Variants in SUV39H2 observed in about 807,000 individuals in gnomAD.
SUV39H2 encodes SUV39H2 histone lysine methyltransferase.
SUV39H2 carries 10 observed loss-of-function variants against 47.5 expected under a neutral mutation model. The ratio of observed to expected loss-of-function variants is 0.21; its 90% confidence interval spans 0.13 to 0.36. The LOEUF is 0.36. SUV39H2 is among the 10% of genes least tolerant of loss of function. The pLI is 1.00. For synonymous variants in SUV39H2, 159 were observed against 166.8 expected (o/e 0.95, Z 0.36); for missense variants, 266 against 487.4 (o/e 0.55, Z 4.28).
In SUV39H2 at chr10:14,902,440, C is replaced by T; in HGVS notation, c.1161C>T (p.His387=). The T allele has an allele frequency of 6.2e-7, 1 of 1,610,964 alleles. No individual in the cohort carries two copies. The highest frequency in any genetic ancestry group is 8.5e-7 in the Non-Finnish European group (1 of 1,179,108). ...ATATATCTTCAGATTCTATTGACCACAGCCCAGCCAAAAAGAGGGTCAGAA... is the reference window on the plus strand; with the variant it reads ...ATATATCTTCAGATTCTATTGACCATAGCCCAGCCAAAAAGAGGGTCAGAA... ...SGDISSDSID[H]SPAKKRVRTV... The change falls in exon 6 of 6, where the codon CAC becomes CAT. Residue 387 remains histidine, a synonymous_variant. Transcript: ENST00000354919.
At chr10:14,901,072 G>A in intron 4 of SUV39H2, 61 bp from the exon 5 acceptor site, 1 of 1,568,272 alleles carries the variant, frequency 6.4e-7, no homozygotes, top group East Asian at 2.3e-5. Flanking sequence ...ATTTTATATG[G>A]CATGTAGAAG....
At chr10:14,887,245 T>TA (rs1414326652) in intron 2 of SUV39H2, among the ~76,000 whole-genome samples, 7 of 151,620 alleles carry the variant, frequency 4.6e-5, no homozygotes, top group South Asian at 2.1e-4. Flanking sequence ...TTTTGTTTTT[T>TA]AAAAAAAAAT....
chr10:14,900,877 C>G (rs1282311221), intron 4 of SUV39H2, among the ~76,000 whole-genome samples: 1 of 152,098 alleles, frequency 6.6e-6, no homozygotes, highest in African/African-American at 2.4e-5. Context: ...GATTGGCAAG[C>G]ATGTTACTAA....
At chr10:14,890,071 T>C (rs1833340128) in intron 2 of SUV39H2, among the ~76,000 whole-genome samples, 1 of 152,214 alleles carries the variant, frequency 6.6e-6, no homozygotes, top group African/African-American at 2.4e-5. Flanking sequence ...ACCACCTCTA[T>C]ATGGCGTGGC....
chr10:14,896,233 G>A (rs567250460), intron 2 of SUV39H2, among the ~76,000 whole-genome samples: 2 of 152,218 alleles, frequency 1.3e-5, no homozygotes, highest in East Asian at 1.9e-4. Context: ...ATGAGCCACC[G>A]TGCCCAGCCT....
chr10:14,892,478 G>A (rs1833418760), intron 2 of SUV39H2, among the ~76,000 whole-genome samples: 1 of 152,116 alleles, frequency 6.6e-6, no homozygotes, highest in Admixed American at 6.5e-5. Flanking sequence ...GATACTTCAT[G>A]CAAATCTTAG....
intron 2 of SUV39H2, 23 bp from the exon 3 acceptor site, chr10:14,896,823 T>C: frequency 6.6e-7 from 1 of 1,521,694 alleles, no homozygotes; most frequent in Non-Finnish European, 8.8e-7. Flanking sequence ...TGATTTGCAT[T>C]TTATTTTCTT....
intron 2 of SUV39H2, among the ~76,000 whole-genome samples, chr10:14,885,890 T>C (rs2131676257): frequency 6.6e-6 from 1 of 152,324 alleles, no homozygotes; most frequent in Middle Eastern, 3.4e-3. Flanking sequence ...ATTATAGTTG[T>C]TTCTTAAACC....
chr10:14,900,670 C>T (rs1411022704), intron 4 of SUV39H2, among the ~76,000 whole-genome samples: 1 of 152,114 alleles, frequency 6.6e-6, no homozygotes, highest in East Asian at 1.9e-4. Flanking sequence ...AGAGTTTGGA[C>T]CAAAAATTCA....
At chr10:14,879,110 C>T in intron 1 of SUV39H2, 191 bp downstream of exon 1, 1 of 1,266,390 alleles carries the variant, frequency 7.9e-7, no homozygotes, top group Non-Finnish European at 9.9e-7. Flanking sequence ...CCCTGCCCGG[C>T]CGGCTCCCGC....
Position 14,897,085 on chromosome 10 carries a change from A to T in SUV39H2, c.417A>T (p.Arg139Ser). 6.2e-7 allele frequency: 1 copy of T among 1,614,018 alleles called. No homozygotes were observed. Among genetic ancestry groups the T allele is most frequent in the South Asian group, 1.1e-5 (1 of 91,086 alleles). Residue 139 changes from arginine to serine, a missense_variant, in exon 3 of 6, where the codon AGA becomes AGT. This residue lies in a region of SUV39H2 where 91 missense variants were observed against 110.9 expected (regional missense o/e 0.82). Transcript: ENST00000354919. Reference protein sequence around the residue: ...KKAKQRIALQRWQDELNRRKN... With the variant: ...KKAKQRIALQSWQDELNRRKN... ...CTAAACAAAGGATAGCTCTGCAGAG[A>T]TGGCAAGATGAACTCAACAGAAGAA...
At chr10:14,879,614 C>T (rs572331092) in intron 1 of SUV39H2, among the ~76,000 whole-genome samples, 9 of 152,072 alleles carry the variant, frequency 5.9e-5, no homozygotes, top group African/African-American at 1.9e-4. Flanking sequence ...GGGCACCGAG[C>T]GCGCGTGGGT....
intron 1 of SUV39H2, among the ~76,000 whole-genome samples, chr10:14,880,642 A>G (rs923150962): frequency 5.9e-5 from 9 of 152,178 alleles, no homozygotes; most frequent in African/African-American, 2.2e-4. Flanking sequence ...GTTAATTTAC[A>G]CTTTAAATTC....
At chr10:14,890,148 T>C (rs1256741928) in intron 2 of SUV39H2, among the ~76,000 whole-genome samples, 1 of 151,980 alleles carries the variant, frequency 6.6e-6, no homozygotes, top group Non-Finnish European at 1.5e-5. Flanking sequence ...GAACCTAGAG[T>C]GGTTAAGAAC....
chr10:14,881,666 C>T (rs1833041510), intron 2 of SUV39H2, 21 bp downstream of exon 2: 3 of 1,482,526 alleles, frequency 2.0e-6, no homozygotes, highest in African/African-American at 1.4e-5. Context: ...TATCTAGCCC[C>T]TTACAAGAGA....
intron 2 of SUV39H2, 37 bp from the exon 3 acceptor site, chr10:14,896,809 C>A: frequency 1.4e-6 from 2 of 1,477,662 alleles, no homozygotes; most frequent in Middle Eastern, 1.9e-4. Flanking sequence ...GGGAAATAGC[C>A]GTCTGATTTG....
intron 2 of SUV39H2, among the ~76,000 whole-genome samples, chr10:14,892,999 ATT>A (rs869161891): frequency 0.017 from 1,323 of 79,810 alleles, 18 homozygotes; most frequent in African/African-American, 0.06. Flanking sequence ...AATTTTTTGT[ATT>A]TTTTTTTTTT....
chr10:14,887,804 C>T (rs143607364), intron 2 of SUV39H2, among the ~76,000 whole-genome samples: 1,981 of 152,244 alleles, frequency 0.013, 24 homozygotes, highest in Non-Finnish European at 0.019. Context: ...TTGTAGTTGA[C>T]GTAAGTGTTG....
chr10:14,894,454 G>A lies in SUV39H2; in HGVS notation c.178-2392G>A, dbSNP rs559757441. Among the ~76,000 whole-genome samples, 2 of 94,618 alleles carry A rather than the reference G, an allele frequency of 2.1e-5. 1 individual carries two copies. Among genetic ancestry groups the A allele is most frequent in the Admixed American group, 2.6e-4 (2 of 7,780 alleles). The allele number at this position is 94,618 out of a possible 152,430, so 62.1% of individuals were successfully genotyped here. ...GCGATCTCGACTCACTGCAAGCTCC[G>A]CCTCCCGGGTTCACGCCATTCTCCT... On this transcript the variant is annotated intron_variant, in intron 2 of 5. Coordinates refer to ENST00000354919, the MANE Select transcript of SUV39H2 (RefSeq NM_001193424.2).
Sources: gnomAD v4.1 joint callset for allele counts (sites outside exome capture counted in the v4.1 genomes callset) on GRCh38, gnomAD v4.1.1 for gene constraint, gnomAD v4.1.1 regional missense constraint, MANE v1.5 for transcripts, NCBI Gene and HGNC (gene_info 2026-07-23, HGNC 2026-07-21) for gene names.